Variants in PAX2 observed in about 807,000 individuals in gnomAD.
PAX2 encodes the protein paired box protein Pax-2.
A neutral mutation model predicts 41.7 loss-of-function variants in PAX2; 9 were observed. The observed-to-expected ratio is 0.22, with a 90% CI of 0.13 to 0.38. The LOEUF (loss-of-function observed/expected upper bound fraction) is 0.38. PAX2 is among the 10% of genes least tolerant of loss of function. The pLI is 1.00. For missense variants in PAX2, 418 were observed against 531.6 expected (o/e 0.79, Z 2.10); for synonymous variants, 221 against 212.7 (o/e 1.04, Z -0.34).
chr10:100,789,388 G>A (rs1426854597), intron 5 of PAX2, among the ~76,000 whole-genome samples: 1 of 152,204 alleles, frequency 6.6e-6, no homozygotes, highest in Admixed American at 6.5e-5. Flanking sequence ...TTACAGGCAT[G>A]AGCGACTGTG....
chr10:100,745,681 G>C lies in PAX2; in HGVS notation c.-580G>C. 1.1e-6 allele frequency: 1 copy of C among 915,148 alleles called. No homozygotes were observed. Among genetic ancestry groups the C allele is most frequent in the Non-Finnish European group, 1.3e-6 (1 of 754,662 alleles). 56.7% of individuals were successfully genotyped at this position (915,148 alleles called of 1,614,324 possible). A position where few individuals can be genotyped will look rare whatever the true frequency, so the allele number is the denominator to read the frequency against. ...CTCCCTCCCTCCCGGCCCTTCGGCC[G>C]CGGCGGCGTGCGCCTGCCTTTTCCG... On this transcript the variant is annotated 5_prime_UTR_variant, in exon 1 of 10. Coordinates refer to ENST00000355243, the MANE Select transcript of PAX2 (RefSeq NM_000278.5).
intron 3 of PAX2, among the ~76,000 whole-genome samples, chr10:100,774,603 G>A (rs1025768876): frequency 3.9e-5 from 6 of 152,078 alleles, no homozygotes; most frequent in East Asian, 3.9e-4. Context: ...GAAAGCACCC[G>A]GGCCTAGGGG....
At chr10:100,781,642 A>G (rs1030908008) in intron 5 of PAX2, among the ~76,000 whole-genome samples, 1 of 152,304 alleles carries the variant, frequency 6.6e-6, no homozygotes, top group East Asian at 1.9e-4. Context: ...AGAAGCAAGA[A>G]CCGTTTACCT....
chr10:100,806,449 C>T lies in PAX2; in HGVS notation c.636C>T (p.Val212=). The part of the protein sequence containing the change: ...KRDEDVSEGS[V]PNGDSQSGVD... ...CTCCAGATGTGTCTGAGGGCTCAGTCCCCAATGGAGATTCCCAGAGTGGTG... is the reference window on the plus strand; with the variant it reads ...CTCCAGATGTGTCTGAGGGCTCAGTTCCCAATGGAGATTCCCAGAGTGGTG... Residue 212 remains valine, a synonymous_variant, in exon 6 of 10, where the codon GTC becomes GTT. Transcript: ENST00000355243. The T allele has an allele frequency of 6.2e-7, 1 of 1,614,238 alleles. No individual in the cohort carries two copies.
At chr10:100,758,876 G>T (rs1589822747) in intron 3 of PAX2, among the ~76,000 whole-genome samples, 1 of 152,216 alleles carries the variant, frequency 6.6e-6, no homozygotes, top group South Asian at 2.1e-4. Flanking sequence ...TGGGTCCCTT[G>T]GTCCAGAAGC....
At chr10:100,813,147 G>A (rs917760076) in intron 7 of PAX2, among the ~76,000 whole-genome samples, 2 of 152,254 alleles carry the variant, frequency 1.3e-5, no homozygotes, top group Admixed American at 6.5e-5. Context: ...GGACAGGCTC[G>A]CTCTAGAAGC....
At chr10:100,760,291 A>T (rs1845789502) in intron 3 of PAX2, among the ~76,000 whole-genome samples, 1 of 152,030 alleles carries the variant, frequency 6.6e-6, no homozygotes, top group Non-Finnish European at 1.5e-5. Context: ...GGCTAAAGGG[A>T]TTGTTTGGTC....
At chr10:100,756,274 C>G (rs1845624590) in intron 3 of PAX2, among the ~76,000 whole-genome samples, 1 of 152,156 alleles carries the variant, frequency 6.6e-6, no homozygotes, top group Non-Finnish European at 1.5e-5. Flanking sequence ...ATGAAAGAGC[C>G]CCATTGTCCG....
chr10:100,749,316 G>C (rs1845341983), intron 1 of PAX2: 1 of 1,004,102 alleles, frequency 1.0e-6, no homozygotes, highest in Non-Finnish European at 1.2e-6. Flanking sequence ...CCCCGCACGC[G>C]CGGACAGCTC....
intron 5 of PAX2, among the ~76,000 whole-genome samples, chr10:100,804,586 G>A (rs753425965): frequency 2.0e-5 from 3 of 152,140 alleles, no homozygotes; most frequent in Non-Finnish European, 4.4e-5. Flanking sequence ...CCTGAAAAAA[G>A]AAGTAGGCAC....
chr10:100,760,694 G>A (rs916256891), intron 3 of PAX2, among the ~76,000 whole-genome samples: 9 of 152,140 alleles, frequency 5.9e-5, no homozygotes, highest in African/African-American at 2.2e-4. Flanking sequence ...TTTGCAAAGT[G>A]GATACCACTA....
In PAX2 at chr10:100,827,467, C is replaced by T; in HGVS notation, c.1109-76C>T. 3 of 1,471,012 alleles carry T rather than the reference C, an allele frequency of 2.0e-6. No homozygotes were observed. The highest frequency in any genetic ancestry group is 2.9e-6 in the Non-Finnish European group (3 of 1,050,214). The allele number at this position is 1,471,012 out of a possible 1,614,324, so 91.1% of individuals were successfully genotyped here. On this transcript the variant is annotated intron_variant, in intron 9 of 9. Transcript: ENST00000355243. This position sits in a 1 kb window ranked among gnomAD's most constrained non-coding sequence, Gnocchi z 8.5. ...GGACCCCAGCCAGGGGAGGTCTTTT[C>T]TGTGCTTTTCTTTCCTTTTTTGTTC...
Position 100,827,158 on chromosome 10 carries a change from C to G in PAX2, c.1108+63C>G, listed in dbSNP as rs549243730. On this transcript the variant is annotated intron_variant, in intron 9 of 9. Transcript: ENST00000355243. The surrounding 1 kb of genome is among the most constrained non-coding windows in gnomAD (Gnocchi z 8.5). ...GCCGCGCGGCTTCTGGGCACGGTCCCACTCCCGGCGACCCGACCTCTGGGG... is the reference window on the plus strand; with the variant it reads ...GCCGCGCGGCTTCTGGGCACGGTCCGACTCCCGGCGACCCGACCTCTGGGG... 167 of 1,355,404 alleles carry G rather than the reference C, an allele frequency of 1.2e-4. 2 individuals carry two copies. In the South Asian group the frequency reaches 1.9e-3, roughly 15 times the overall value. The allele number at this position is 1,355,404 out of a possible 1,614,324, so 84.0% of individuals were successfully genotyped here. A position where few individuals can be genotyped will look rare whatever the true frequency, so the allele number is the denominator to read the frequency against.
chr10:100,759,743 G>A (rs1845768277), intron 3 of PAX2, among the ~76,000 whole-genome samples: 1 of 152,206 alleles, frequency 6.6e-6, no homozygotes. Context: ...CAAGAAATCA[G>A]AGAGGAAGGA....
intron 3 of PAX2, among the ~76,000 whole-genome samples, chr10:100,756,902 C>T (rs1299069238): frequency 1.3e-5 from 2 of 152,168 alleles, no homozygotes; most frequent in African/African-American, 4.8e-5. Flanking sequence ...CAGTTGAGTC[C>T]AGAGAAGGGG....
At chr10:100,759,501 C>T (rs1845760802) in intron 3 of PAX2, among the ~76,000 whole-genome samples, 1 of 152,122 alleles carries the variant, frequency 6.6e-6, no homozygotes, top group Non-Finnish European at 1.5e-5. Flanking sequence ...GAGGCAGGCC[C>T]CTGCCTGCTG....
intron 5 of PAX2, among the ~76,000 whole-genome samples, chr10:100,787,528 G>GAGCTT (rs1846916175): frequency 6.6e-6 from 1 of 152,164 alleles, no homozygotes; most frequent in Admixed American, 6.5e-5. Context: ...CTCTTGGCAA[G>GAGCTT]GTGAAAGAAA....
chr10:100,820,081 T>C (rs1589899843), intron 7 of PAX2, among the ~76,000 whole-genome samples: 1 of 152,240 alleles, frequency 6.6e-6, no homozygotes, highest in East Asian at 1.9e-4. Flanking sequence ...CTCTTTGTTT[T>C]TCAGAAAACT....
At chr10:100,770,670 T>C (rs1016233382) in intron 3 of PAX2, among the ~76,000 whole-genome samples, 6 of 152,218 alleles carry the variant, frequency 3.9e-5, no homozygotes, top group African/African-American at 1.4e-4. Flanking sequence ...AATGCCAGTC[T>C]TGGAAGGCTA....
Sources: allele counts gnomAD v4.1 joint callset (sites outside exome capture counted in the v4.1 genomes callset), GRCh38; gene constraint gnomAD v4.1.1; non-coding constraint Gnocchi (gnomAD v3.1); transcripts MANE v1.5; gene names NCBI Gene and HGNC (gene_info 2026-07-23, HGNC 2026-07-21).